Variants in PPP6R1 observed in about 807,000 individuals in gnomAD.
PPP6R1 encodes the protein protein phosphatase 6 regulatory subunit 1.
PPP6R1 carries 39 observed loss-of-function variants against 104.6 expected under a neutral mutation model. The ratio of observed to expected loss-of-function variants is 0.37; its 90% confidence interval spans 0.29 to 0.49. The LOEUF (loss-of-function observed/expected upper bound fraction) is 0.49, where lower values mean the gene tolerates loss of function less well. Ranked by LOEUF, PPP6R1 falls within the 20% of genes least tolerant of loss-of-function variation. The pLI is 0.98. For missense variants in PPP6R1, 1,181 were observed against 1,155.8 expected (o/e 1.02, Z -0.32); for synonymous variants, 549 against 479.0 (o/e 1.15, Z -1.91).
At chr19:55,237,085 T>A in intron 15 of PPP6R1, 115 bp from the exon 16 acceptor site, 1 of 1,132,704 alleles carries the variant, frequency 8.8e-7, no homozygotes. Flanking sequence ...ACTTGCAGAT[T>A]TGGTATCTGC....
intron 1 of PPP6R1, among the ~76,000 whole-genome samples, chr19:55,251,733 G>C (rs1191490927): frequency 2.6e-5 from 4 of 152,176 alleles, no homozygotes; most frequent in African/African-American, 9.6e-5. Flanking sequence ...CGACCACCAA[G>C]TGTCCATGTC....
chr19:55,228,809 T>G (rs753504340), downstream of PPP6R1: 112 of 1,531,352 alleles, frequency 7.3e-5, no homozygotes, highest in Middle Eastern at 1.5e-3. Flanking sequence ...AGGGGAGGGC[T>G]CATGGTTACA....
chr19:55,257,827 C>G (rs2087605312), intron 1 of PPP6R1, among the ~76,000 whole-genome samples: 1 of 152,280 alleles, frequency 6.6e-6, no homozygotes, highest in Non-Finnish European at 1.5e-5. Flanking sequence ...TGCCCAGCGC[C>G]AGGCTCCCTG....
chr19:55,242,326 G>A (rs1156434549), intron 6 of PPP6R1, 47 bp from the exon 7 acceptor site: 1 of 1,612,554 alleles, frequency 6.2e-7, no homozygotes, highest in Non-Finnish European at 8.5e-7. Flanking sequence ...AGGGGCCCAG[G>A]GCTTCCCCAA....
chr19:55,245,378 C>T lies in PPP6R1; in HGVS notation c.439G>A (p.Asp147Asn). 1.2e-6 allele frequency: 2 copies of T among 1,613,516 alleles called. No individual in the cohort carries two copies. Among genetic ancestry groups the T allele is most frequent in the Non-Finnish European group, 8.5e-7 (1 of 1,179,760 alleles). The change falls in exon 4 of 24, where the codon GAT becomes AAT. Residue 147 changes from aspartate (D) to asparagine (N), a missense_variant. By Grantham distance (23) the Asp-to-Asn change is conservative (BLOSUM62 1). Transcript: ENST00000412770. This position sits in a 1 kb window ranked among gnomAD's most constrained non-coding sequence, Gnocchi z 6.4. ...DQLVSFLRKK[D>N]DFVDLLLQHI... ...TGCAGCAGCAGGTCCACGAAGTCAT[C>T]CTTCTTCCGAAGAAAGGACACGAGC...
rs200843194 is a variant in PPP6R1 at position 55,242,188 on chromosome 19, G to T, written c.823C>A (p.Leu275Met). ...CACCTCGGCCTCCTGGGCTCCAGCA[G>T]GGTCAGCAGCACCTGGATCCCACTG... ...IVSGIQVLLT[L>M]LEPRRPRSES... Residue 275 changes from leucine to methionine, a missense_variant, in exon 7 of 24, where the codon CTG (leucine) becomes ATG (methionine). Coordinates refer to ENST00000412770, the MANE Select transcript of PPP6R1 (RefSeq NM_014931.4). 10 of 1,613,640 alleles carry T rather than the reference G, an allele frequency of 6.2e-6. No individual in the cohort carries two copies. In the African/African-American group the frequency reaches 1.1e-4, roughly 17 times the overall value.
Position 55,240,293 on chromosome 19 carries a change from T to G in PPP6R1, c.1304A>C (p.Gln435Pro). Reference protein sequence around the residue: ...IQNPVVKHLLQQCRLVERILT... With the variant: ...IQNPVVKHLLPQCRLVERILT... ...GATCCGCTCCACCAGGCGGCACTGC[T>G]GCAGCAGCTGCGGGAGAGCGGGACA... The change falls in exon 11 of 24, where the codon CAG becomes CCG. Residue 435 changes from glutamine (Q) to proline (P), a missense_variant. Physicochemically the swap from Gln to Pro is moderately conservative, Grantham distance 76. Coordinates refer to ENST00000412770, the MANE Select transcript of PPP6R1 (RefSeq NM_014931.4). 6.3e-7 allele frequency: 1 copy of G among 1,590,850 alleles called. No homozygotes were observed. Among genetic ancestry groups the G allele is most frequent in the Non-Finnish European group, 8.6e-7 (1 of 1,169,532 alleles).
intron 1 of PPP6R1, among the ~76,000 whole-genome samples, chr19:55,248,434 G>A (rs905498531): frequency 3.9e-5 from 6 of 152,228 alleles, no homozygotes; most frequent in East Asian, 1.9e-4. Context: ...CCTGACAACC[G>A]CATCACCAGC....
At position 55,258,969 on chromosome 19, in the gene PPP6R1, G is replaced by C. The variant is rs978808449; in HGVS notation, c.-541C>G. On this transcript the variant is annotated 5_prime_UTR_variant, in exon 1 of 24. Coordinates refer to ENST00000412770, the MANE Select transcript of PPP6R1 (RefSeq NM_014931.4). ...CGCTCAATCTCCGGGCTCTGCGGCC[G>C]GCCTCAGGGCCTCCGACGCCCGGCT... 2 of 152,294 alleles carry C rather than the reference G, an allele frequency of 1.3e-5. No individual in the cohort carries two copies. Among genetic ancestry groups the C allele is most frequent in the African/African-American group, 2.4e-5 (1 of 41,568 alleles). The allele number at this position is 152,294 out of a possible 1,614,324, so 9.4% of individuals were successfully genotyped here. A position where few individuals can be genotyped will look rare whatever the true frequency, so the allele number is the denominator to read the frequency against.
chr19:55,240,094 T>C lies in PPP6R1; in HGVS notation c.1382A>G (p.Lys461Arg). ...DRVQCAGGPR[K>R]GYMGHLTRVA... ...TCTTGTCAGGTGACCCATGTAGCCT[T>C]TCCGAGGGCCTCCCGCACACCTGGC... is the stretch of plus-strand genomic sequence containing the variant. Residue 461 changes from lysine (K) to arginine (R), a missense_variant, in exon 12 of 24, where the codon AAA (lysine) becomes AGA (arginine). Physicochemically the swap from Lys to Arg is conservative, Grantham distance 26 (BLOSUM62 2). Coordinates refer to ENST00000412770, the MANE Select transcript of PPP6R1 (RefSeq NM_014931.4). 1 of 1,591,900 alleles carries C rather than the reference T, an allele frequency of 6.3e-7. No individual in the cohort carries two copies. Among genetic ancestry groups the C allele is most frequent in the South Asian group, 1.1e-5 (1 of 88,036 alleles).
intron 2 of PPP6R1, among the ~76,000 whole-genome samples, chr19:55,246,053 A>G (rs912472177): frequency 5.3e-5 from 8 of 151,876 alleles, no homozygotes; most frequent in African/African-American, 1.9e-4. Flanking sequence ...TCAACTTCCA[A>G]CCTCACCTCC....
At position 55,241,856 on chromosome 19, in the gene PPP6R1, G is replaced by A. The variant is rs543114381; in HGVS notation, c.846-217C>T. ...CAGTCCACTGTGAGAGCACGGGTGA[G>A]GGGTGGAGGCGGGAAGGCAAACCCA... On this transcript the variant is annotated intron_variant, in intron 7 of 23. Coordinates refer to ENST00000412770, the MANE Select transcript of PPP6R1 (RefSeq NM_014931.4). The surrounding 1 kb of genome is among the most constrained non-coding windows in gnomAD (Gnocchi z 5.4). Among the ~76,000 whole-genome samples, 119 of 152,360 alleles carry A rather than the reference G, an allele frequency of 7.8e-4. No homozygotes were observed. Among genetic ancestry groups the A allele is most frequent in the Non-Finnish European group, 1.4e-3 (94 of 68,028 alleles).
chr19:55,239,887 T>C lies in PPP6R1; in HGVS notation c.1502A>G (p.Gln501Arg). ...LKELPSEQQE[Q>R]WEAFVSGPLA... The stretch of plus-strand genomic sequence containing the variant: ...GGGCCCCGATACGAAGGCTTCCCAC[T>C]GCTCCTGCTGCTCGCTGGGCAGCTC... Residue 501 changes from glutamine to arginine, a missense_variant, in exon 13 of 24, where the codon CAG becomes CGG. Transcript: ENST00000412770. 1 of 1,613,910 alleles carries C rather than the reference T, an allele frequency of 6.2e-7. No individual in the cohort carries two copies. Among genetic ancestry groups the C allele is most frequent in the Non-Finnish European group, 8.5e-7 (1 of 1,179,856 alleles).
At chr19:55,254,044 G>A (rs1344217284) in intron 1 of PPP6R1, among the ~76,000 whole-genome samples, 1 of 152,212 alleles carries the variant, frequency 6.6e-6, no homozygotes, top group Non-Finnish European at 1.5e-5. Flanking sequence ...CTTTCTGGCA[G>A]GACAGGTAGG....
intron 1 of PPP6R1, among the ~76,000 whole-genome samples, chr19:55,257,545 T>C (rs1386587603): frequency 1.3e-5 from 2 of 152,146 alleles, no homozygotes; most frequent in African/African-American, 4.8e-5. Context: ...CCTTCCTTCC[T>C]TGACATATCT....
At chr19:55,253,571 T>C (rs918583788) in intron 1 of PPP6R1, among the ~76,000 whole-genome samples, 1 of 152,200 alleles carries the variant, frequency 6.6e-6, no homozygotes, top group Non-Finnish European at 1.5e-5. Context: ...GGCAGCGCCC[T>C]GAACTCTCCA....
intron 19 of PPP6R1, 66 bp downstream of exon 19, chr19:55,231,736 G>C: frequency 2.7e-6 from 4 of 1,505,068 alleles, no homozygotes; most frequent in Non-Finnish European, 3.6e-6. Flanking sequence ...AGAGGACGGG[G>C]ACCCCATGGC....
chr19:55,236,930 T>C lies in PPP6R1; in HGVS notation c.1792A>G (p.Asn598Asp), dbSNP rs1407150450. The C allele has an allele frequency of 3.1e-6, 5 of 1,613,342 alleles. No homozygotes were observed. Among genetic ancestry groups the C allele is most frequent in the Non-Finnish European group, 4.2e-6 (5 of 1,179,256 alleles). The change falls in exon 16 of 24, where the codon AAT becomes GAT. Residue 598 changes from asparagine to aspartate, a missense_variant. Transcript: ENST00000412770. ...GTACTCACGTTCTCATCGTCAGCATTGAGGGAGAAGGTGATGTTGGCTGTC... is the reference window on the plus strand; with the variant it reads ...GTACTCACGTTCTCATCGTCAGCATCGAGGGAGAAGGTGATGTTGGCTGTC... ...DKTANITFSLNADDENPNANL... is the reference protein window; with the variant it reads ...DKTANITFSLDADDENPNANL...
chr19:55,256,716 T>C (rs2087596227), intron 1 of PPP6R1, among the ~76,000 whole-genome samples: 2 of 152,196 alleles, frequency 1.3e-5, no homozygotes, highest in Non-Finnish European at 1.5e-5. Flanking sequence ...GAGCAAGCAT[T>C]GCAGGACGTG....
Sources: allele counts gnomAD v4.1 joint callset (sites outside exome capture counted in the v4.1 genomes callset), GRCh38; gene constraint gnomAD v4.1.1; non-coding constraint Gnocchi (gnomAD v3.1); transcripts MANE v1.5; gene names NCBI Gene and HGNC (gene_info 2026-07-23, HGNC 2026-07-21).